The following GABRG3 variants were observed in gnomAD, a reference collection of about 807,000 sequenced individuals.
The protein encoded by GABRG3 is gamma-aminobutyric acid type A receptor subunit gamma3, also known as gamma-aminobutyric acid receptor subunit gamma-3.
In GABRG3, 25 loss-of-function variants were observed where a neutral mutation model predicts 48.8. That is an observed-to-expected ratio of 0.51 (90% CI 0.37 to 0.72). The LOEUF (loss-of-function observed/expected upper bound fraction) is 0.72. GABRG3 is among the 30% of genes least tolerant of loss of function. The probability of loss-of-function intolerance (pLI) is 0.00; values close to 1 mark genes in which losing one functional copy is unlikely to be tolerated. For missense variants in GABRG3, 394 were observed against 577.9 expected, an observed-to-expected ratio of 0.68 and a Z score of 3.26; for synonymous variants, 227 against 217.6, an observed-to-expected ratio of 1.04 and a Z score of -0.38.
At chr15:27,255,124 G>T (rs1890572365) in intron 3 of GABRG3, among the ~76,000 whole-genome samples, 1 of 152,168 alleles carries the variant, frequency 6.6e-6, no homozygotes, top group Non-Finnish European at 1.5e-5. Context: ...GACAGCGGCT[G>T]CCTCCTGTGG....
intron 3 of GABRG3, among the ~76,000 whole-genome samples, chr15:27,083,642 A>G (rs1566930243): frequency 6.6e-6 from 1 of 152,060 alleles, no homozygotes; most frequent in South Asian, 2.1e-4. Flanking sequence ...TCTATTTTCA[A>G]TTAATTCCCA....
At chr15:27,262,216 A>T (rs1482509299) in intron 3 of GABRG3, among the ~76,000 whole-genome samples, 1 of 152,178 alleles carries the variant, frequency 6.6e-6, no homozygotes, top group Non-Finnish European at 1.5e-5. Context: ...TCGGTCTTTA[A>T]TGGGCCCTCC....
chr15:27,347,031 G>T (rs1273357935), intron 5 of GABRG3, among the ~76,000 whole-genome samples: 3 of 151,674 alleles, frequency 2.0e-5, no homozygotes, highest in East Asian at 3.9e-4. Context: ...TTTAAAGCTA[G>T]ACACACCGTG....
chr15:27,302,606 T>C (rs1025496461), intron 3 of GABRG3, among the ~76,000 whole-genome samples: 3 of 151,980 alleles, frequency 2.0e-5, no homozygotes, highest in Non-Finnish European at 4.4e-5. Flanking sequence ...AACAAAGATA[T>C]AGAAAAATCA....
chr15:27,508,565 A>G (rs1595800052), intron 6 of GABRG3, among the ~76,000 whole-genome samples: 2 of 152,136 alleles, frequency 1.3e-5, no homozygotes, highest in East Asian at 3.9e-4. Context: ...TACATTTCCA[A>G]CACTCTTCAT....
At chr15:27,007,545 C>T (rs1895609595) in intron 2 of GABRG3, among the ~76,000 whole-genome samples, 1 of 152,140 alleles carries the variant, frequency 6.6e-6, no homozygotes, top group East Asian at 1.9e-4. Context: ...AGTGGATAAG[C>T]GTTCCTTTTT....
At chr15:27,059,118 G>A (rs1896603087) in intron 3 of GABRG3, among the ~76,000 whole-genome samples, 1 of 152,188 alleles carries the variant, frequency 6.6e-6, no homozygotes, top group African/African-American at 2.4e-5. Flanking sequence ...GGCTGCCCTG[G>A]TGCCCTCTGC....
intron 2 of GABRG3, among the ~76,000 whole-genome samples, chr15:26,984,624 A>G (rs1251267810): frequency 6.6e-6 from 1 of 152,042 alleles, no homozygotes; most frequent in African/African-American, 2.4e-5. Context: ...GTAGGGTGTC[A>G]TTTTTCTTGG....
intron 3 of GABRG3, among the ~76,000 whole-genome samples, chr15:27,070,587 CCCT>C (rs1896811236): frequency 6.6e-6 from 1 of 152,082 alleles, no homozygotes; most frequent in Non-Finnish European, 1.5e-5. Flanking sequence ...CATATTTTTG[CCCT>C]TTTTTGCTTT....
intron 5 of GABRG3, among the ~76,000 whole-genome samples, chr15:27,335,240 T>TA (rs1048797432): frequency 7.1e-6 from 1 of 140,266 alleles, no homozygotes; most frequent in Non-Finnish European, 1.5e-5. Context: ...TTTCAGTTCT[T>TA]ACGGGTATAT....
chr15:26,972,107 C>A lies in GABRG3; in HGVS notation c.53+519C>A, dbSNP rs374838851. On this transcript the variant is annotated intron_variant, in intron 1 of 9. Coordinates refer to ENST00000615808, the MANE Select transcript of GABRG3 (RefSeq NM_033223.5). ...TTGGAACCAGGTGGGCAGAAGAAAG[C>A]CCTGCTTGTCTGGGAGGACTCCCCT... 2.2e-4 allele frequency among the ~76,000 whole-genome samples: 33 copies of A among 152,134 alleles called. 1 individual carries two copies. Among genetic ancestry groups the A allele is most frequent in the Admixed American group, 7.2e-4 (11 of 15,286 alleles).
chr15:27,041,188 G>A (rs998192075), intron 3 of GABRG3, among the ~76,000 whole-genome samples: 3 of 151,988 alleles, frequency 2.0e-5, no homozygotes, highest in Non-Finnish European at 2.9e-5. Context: ...GCTTTTTAAC[G>A]TAAACTTTTT....
chr15:27,508,816 C>G (rs1890824583), intron 6 of GABRG3, among the ~76,000 whole-genome samples: 1 of 152,058 alleles, frequency 6.6e-6, no homozygotes, highest in Non-Finnish European at 1.5e-5. Flanking sequence ...CAGGTTCACG[C>G]CATTCTCTCA....
rs577508399 is a variant in GABRG3, at chr15:27,523,137, G to A, written c.865+3013G>A. 8.6e-5 allele frequency among the ~76,000 whole-genome samples: 13 copies of A among 151,908 alleles called. No individual in the cohort carries two copies. The East Asian group carries it at 1.9e-3, about 23-fold the overall frequency. On this transcript the variant is annotated intron_variant, in intron 7 of 9. Transcript: ENST00000615808. The stretch of plus-strand genomic sequence containing the variant: ...AGAAATGTTAAATTTCTAGAAAAAT[G>A]TTAGGATTATATTAGATTAGATAAA...
rs371598103 is a variant in GABRG3, at chr15:27,038,601, G to C, written c.270+11780G>C. Among the ~76,000 whole-genome samples, 5 of 152,176 alleles carry C rather than the reference G, an allele frequency of 3.3e-5. No homozygotes were observed. The East Asian group carries it at 7.7e-4, about 24-fold the overall frequency. ...AGGGTTGGCAGAGCCTGAAAAGCTG[G>C]GAAAGTGGCACAGACTGTGTCGATA... On this transcript the variant is annotated intron_variant, in intron 3 of 9. Coordinates refer to ENST00000615808, the MANE Select transcript of GABRG3 (RefSeq NM_033223.5).
intron 6 of GABRG3, among the ~76,000 whole-genome samples, chr15:27,512,249 CA>C (rs1347270840): frequency 6.6e-6 from 1 of 151,378 alleles, no homozygotes; most frequent in Non-Finnish European, 1.5e-5. Context: ...ATTATTATTA[CA>C]ATAATCAAGT....
intron 3 of GABRG3, among the ~76,000 whole-genome samples, chr15:27,140,296 G>A (rs1939897117): frequency 6.6e-6 from 1 of 152,106 alleles, no homozygotes; most frequent in Non-Finnish European, 1.5e-5. Context: ...ATCTCCAGGT[G>A]GACAGTGTCA....
intron 3 of GABRG3, among the ~76,000 whole-genome samples, chr15:27,269,019 A>AT (rs1205129079): frequency 6.6e-6 from 1 of 151,994 alleles, no homozygotes; most frequent in Non-Finnish European, 1.5e-5. Context: ...TATCTTGTTC[A>AT]TTTTTTGTAG....
chr15:26,996,605 A>G (rs1895344311), intron 2 of GABRG3, among the ~76,000 whole-genome samples: 2 of 150,132 alleles, frequency 1.3e-5, no homozygotes, highest in South Asian at 2.1e-4. Flanking sequence ...TGGTAGTCCA[A>G]TTATGTATAT....
Sources: gnomAD v4.1 joint callset for allele counts (sites outside exome capture counted in the v4.1 genomes callset) on GRCh38, gnomAD v4.1.1 for gene constraint, MANE v1.5 for transcripts, NCBI Gene and HGNC (gene_info 2026-07-23, HGNC 2026-07-21) for gene names.